The following ZDHHC14 variants were observed in gnomAD, a reference collection of about 807,000 sequenced individuals.
The protein encoded by ZDHHC14 is zDHHC palmitoyltransferase 14, also known as palmitoyltransferase ZDHHC14.
In ZDHHC14, 16 loss-of-function variants were observed where a neutral mutation model predicts 47.7. The ratio of observed to expected loss-of-function variants is 0.34; its 90% CI spans 0.23 to 0.51. ZDHHC14 has a LOEUF of 0.51. Ranked by LOEUF, ZDHHC14 falls within the 20% of genes least tolerant of loss-of-function variation. ZDHHC14 has a pLI of 0.97. For missense variants in ZDHHC14, 515 were observed against 662.5 expected (o/e 0.78, Z 2.44); for synonymous variants, 293 against 278.9 (o/e 1.05, Z -0.50).
chr6:157,669,745 G>C (rs1716551727), intron 8 of ZDHHC14, among the ~76,000 whole-genome samples: 1 of 152,242 alleles, frequency 6.6e-6, no homozygotes, highest in African/African-American at 2.4e-5. Context: ...GGGGAAGCTT[G>C]AAAACAAGAT....
intron 3 of ZDHHC14, among the ~76,000 whole-genome samples, chr6:157,612,776 A>G (rs1046640972): frequency 1.3e-4 from 20 of 152,120 alleles, no homozygotes; most frequent in Admixed American, 1.2e-3. Context: ...GGAAGAAGAA[A>G]AAGAGAATTT....
chr6:157,504,327 A>AT lies in ZDHHC14; in HGVS notation c.246-38244dup, dbSNP rs35053189. Among the ~76,000 whole-genome samples the AT allele has an allele frequency of 1.2e-3, 165 of 137,318 alleles. 5 individuals are homozygous for AT. The highest frequency in any genetic ancestry group is 4.1e-3 in the Middle Eastern group (1 of 244). 90.1% of individuals were successfully genotyped at this position (137,318 alleles called of 152,430 possible). Reference sequence around the variant, plus strand: ...GGTTCACGCCCGGCTAATTTTTTGTATTTTTTTTTTTTTTAGTAGAGACGG... The same window carrying AT: ...GGTTCACGCCCGGCTAATTTTTTGTATTTTTTTTTTTTTTTAGTAGAGACGG... On this transcript the variant is annotated intron_variant, in intron 1 of 8. Coordinates refer to ENST00000359775, the MANE Select transcript of ZDHHC14 (RefSeq NM_024630.3).
In ZDHHC14 at chr6:157,522,890, ATCCT is replaced by A. The variant is rs1170981998; in HGVS notation, c.246-19665_246-19662del. 7.8e-3 allele frequency among the ~76,000 whole-genome samples: 201 copies of A among 25,708 alleles called. 45 individuals carry two copies. Among genetic ancestry groups the A allele is most frequent in the Middle Eastern group, 0.06 (3 of 50 alleles). 16.9% of individuals were successfully genotyped at this position (25,708 alleles called of 152,430 possible). A position where few individuals can be genotyped will look rare whatever the true frequency, so the allele number is the denominator to read the frequency against. On this transcript the variant is annotated intron_variant, in intron 1 of 8. Transcript: ENST00000359775. The stretch of plus-strand genomic sequence containing the variant: ...CCTTGCTCCCTCCCATCTTCCTACC[ATCCT>A]TCCTTCCTTCCTTCCTTCCTTCCTT...
At chr6:157,655,370 G>A (rs1030702930) in intron 8 of ZDHHC14, among the ~76,000 whole-genome samples, 1 of 152,186 alleles carries the variant, frequency 6.6e-6, no homozygotes, top group Non-Finnish European at 1.5e-5. Context: ...AGGCCACACA[G>A]ACTCTAATTT....
intron 5 of ZDHHC14, among the ~76,000 whole-genome samples, chr6:157,636,334 TAA>T (rs202105725): frequency 0.11 from 7,982 of 72,562 alleles, 477 homozygotes; most frequent in African/African-American, 0.26. Context: ...TAAGGATATA[TAA>T]GTGTGTGTGT....
intron 1 of ZDHHC14, among the ~76,000 whole-genome samples, chr6:157,417,940 C>A (rs544605352): frequency 1.4e-5 from 2 of 144,132 alleles, no homozygotes; most frequent in Non-Finnish European, 3.0e-5. Flanking sequence ...GGCGACAGAG[C>A]GAGAGTCCAT....
intron 1 of ZDHHC14, among the ~76,000 whole-genome samples, chr6:157,419,990 G>T (rs1342026601): frequency 6.6e-6 from 1 of 152,246 alleles, no homozygotes; most frequent in Non-Finnish European, 1.5e-5. Context: ...GCTAGTAAAT[G>T]TGTAGTAGTA....
chr6:157,528,578 AG>A (rs1161164235), intron 1 of ZDHHC14, among the ~76,000 whole-genome samples: 8 of 151,936 alleles, frequency 5.3e-5, no homozygotes, highest in African/African-American at 1.9e-4. Flanking sequence ...AAAAATACAA[AG>A]AAATTAGCCA....
At chr6:157,517,079 G>A (rs539589167) in intron 1 of ZDHHC14, among the ~76,000 whole-genome samples, 3 of 152,184 alleles carry the variant, frequency 2.0e-5, no homozygotes, top group Non-Finnish European at 4.4e-5. Context: ...ACATCTCCGA[G>A]CACTTTCAGT....
chr6:157,381,860 G>A lies in ZDHHC14; in HGVS notation c.-162G>A, dbSNP rs2114725119. 1 of 456,188 alleles carries A rather than the reference G, an allele frequency of 2.2e-6. No individual in the cohort carries two copies. Among genetic ancestry groups the A allele is most frequent in the Admixed American group, 6.6e-5 (1 of 15,054 alleles). 28.3% of individuals were successfully genotyped at this position (456,188 alleles called of 1,614,324 possible). ...TTGGGCTCCCCGGAGGGTTAACCTG[G>A]GTGTCCTCGGCAAAGTTGTCGCCGA... On this transcript the variant is annotated 5_prime_UTR_variant, in exon 1 of 9. It introduces an in-frame stop codon into an upstream open reading frame of the 5' UTR. Coordinates refer to ENST00000359775, the MANE Select transcript of ZDHHC14 (RefSeq NM_024630.3).
intron 2 of ZDHHC14, among the ~76,000 whole-genome samples, chr6:157,577,585 T>G (rs978001871): frequency 1.4e-4 from 21 of 152,244 alleles, no homozygotes; most frequent in African/African-American, 5.1e-4. Flanking sequence ...GTTTCACTCT[T>G]GTTGCCTAGG....
At chr6:157,495,449 A>T (rs1310687631) in intron 1 of ZDHHC14, among the ~76,000 whole-genome samples, 2 of 152,156 alleles carry the variant, frequency 1.3e-5, no homozygotes, top group African/African-American at 4.8e-5. Context: ...TGTATCATGG[A>T]TGCCTATAAT....
intron 1 of ZDHHC14, among the ~76,000 whole-genome samples, chr6:157,460,317 T>G (rs1361958249): frequency 6.8e-6 from 1 of 146,460 alleles, no homozygotes; most frequent in African/African-American, 2.5e-5. Flanking sequence ...GAGGATTGCT[T>G]GAGCCCATGA....
rs34937760 is a variant in ZDHHC14, at chr6:157,534,533, TATTTCATTTCATTTCATTTCATTTC to T, written c.246-8009_246-7985del. Among the ~76,000 whole-genome samples the T allele has an allele frequency of 9.5e-3, 1,341 of 141,194 alleles. 17 individuals are homozygous for T. The highest frequency in any genetic ancestry group is 0.023 in the African/African-American group (887 of 38,362). 92.6% of individuals were successfully genotyped at this position (141,194 alleles called of 152,430 possible). On this transcript the variant is annotated intron_variant, in intron 1 of 8. Transcript: ENST00000359775. The stretch of plus-strand genomic sequence containing the variant: ...AGAAGCCTCTGGCTTCCTGGAATTC[TATTTCATTTCATTTCATTTCATTTC>T]ATTTCATTTCATTTCATTTCATTTC...
At chr6:157,581,516 G>T (rs1227750935) in intron 2 of ZDHHC14, among the ~76,000 whole-genome samples, 1 of 152,066 alleles carries the variant, frequency 6.6e-6, no homozygotes, top group Non-Finnish European at 1.5e-5. Context: ...TGTCAGTGGG[G>T]TGTTGAGATC....
intron 1 of ZDHHC14, among the ~76,000 whole-genome samples, chr6:157,422,752 T>A (rs1290327033): frequency 1.3e-5 from 2 of 152,248 alleles, no homozygotes; most frequent in Non-Finnish European, 2.9e-5. Flanking sequence ...AGTAATAGCA[T>A]GCCCAAGGCA....
chr6:157,428,125 G>T (rs1237624380), intron 1 of ZDHHC14, among the ~76,000 whole-genome samples: 1 of 152,116 alleles, frequency 6.6e-6, no homozygotes, highest in Non-Finnish European at 1.5e-5. Context: ...TGTTGAGAAG[G>T]GGAGGAGAGT....
At chr6:157,473,920 A>AG (rs1416745182) in intron 1 of ZDHHC14, among the ~76,000 whole-genome samples, 1 of 151,454 alleles carries the variant, frequency 6.6e-6, no homozygotes, top group Admixed American at 6.6e-5. Context: ...AAAAAAAAAA[A>AG]GTTTGAAGTG....
chr6:157,592,278 A>G (rs1783936948), intron 2 of ZDHHC14, among the ~76,000 whole-genome samples: 1 of 152,244 alleles, frequency 6.6e-6, no homozygotes, highest in South Asian at 2.1e-4. Context: ...TGACATTTTT[A>G]GAACTGGTTC....
Sources: allele counts gnomAD v4.1 joint callset (sites outside exome capture counted in the v4.1 genomes callset), GRCh38; gene constraint gnomAD v4.1.1; transcripts MANE v1.5; gene names NCBI Gene and HGNC (gene_info 2026-07-23, HGNC 2026-07-21).